Variants in SPATA6 observed in about 807,000 individuals in gnomAD.
The protein encoded by SPATA6 is spermatogenesis-associated protein 6.
SPATA6 carries 56 observed loss-of-function variants against 65.3 expected under a neutral mutation model. That is an observed-to-expected ratio of 0.86 (90% CI 0.69 to 1.07). The LOEUF (loss-of-function observed/expected upper bound fraction) is 1.07. Ranked by LOEUF, SPATA6 falls within the 50% of genes least tolerant of loss-of-function variation. The probability of loss-of-function intolerance (pLI) is 0.00; values close to 1 mark genes in which losing one functional copy is unlikely to be tolerated. For missense variants in SPATA6, 590 were observed against 594.8 expected (o/e 0.99, Z 0.08); for synonymous variants, 199 against 213.2 (o/e 0.93, Z 0.58).
At chr1:48,381,553 C>A (rs1222079927) in intron 9 of SPATA6, among the ~76,000 whole-genome samples, 4 of 148,022 alleles carry the variant, frequency 2.7e-5, no homozygotes, top group Non-Finnish European at 5.9e-5. Flanking sequence ...ACCAGTAGCA[C>A]AAAATAGTTT....
At position 48,426,300 on chromosome 1, in the gene SPATA6, G is replaced by GGTTT. The variant is rs1481190553; in HGVS notation, c.239-13153_239-13150dup. ...AAAAGAGCAGTTGAAACTGGAAAGG[G>GGTTT]GTTTGTTCATTTCAATAGCAGGTAA... On this transcript the variant is annotated intron_variant, in intron 3 of 12. Coordinates refer to ENST00000371847, the MANE Select transcript of SPATA6 (RefSeq NM_019073.4). 2.6e-5 allele frequency among the ~76,000 whole-genome samples: 4 copies of GGTTT among 152,112 alleles called. No individual in the cohort carries two copies. The East Asian group carries it at 7.7e-4, about 29-fold the overall frequency.
chr1:48,319,939 T>C (rs1484258988), intron 11 of SPATA6, among the ~76,000 whole-genome samples: 1 of 152,090 alleles, frequency 6.6e-6, no homozygotes, highest in African/African-American at 2.4e-5. Flanking sequence ...ACTGTGCAAC[T>C]TCCCACTTCC....
At chr1:48,395,495 T>C (rs550019307) in intron 7 of SPATA6, 141 bp from the exon 8 acceptor site, 58 of 437,052 alleles carry the variant, frequency 1.3e-4, no homozygotes, top group Non-Finnish European at 2.1e-4. Context: ...GTCAGACATG[T>C]TCCAAAGAGT....
intron 3 of SPATA6, among the ~76,000 whole-genome samples, chr1:48,413,458 T>C (rs1048422765): frequency 7.6e-5 from 10 of 131,544 alleles, no homozygotes; most frequent in Non-Finnish European, 1.6e-4. Context: ...CCCGGATACT[T>C]TTTTTTTTTT....
rs1405689544 is a variant in SPATA6, at chr1:48,305,775, T to C, written c.1286+12A>G. ...GAACTATGAGAAGGATATACATATA[T>C]TTCATTCATACCTATACTCGGGGTC... On this transcript the variant is annotated intron_variant, in intron 12 of 12. Transcript: ENST00000371847. 2.5e-6 allele frequency: 4 copies of C among 1,590,750 alleles called. No individual in the cohort carries two copies. Among genetic ancestry groups the C allele is most frequent in the Non-Finnish European group, 3.4e-6 (4 of 1,164,538 alleles).
rs937080007 is a variant in SPATA6, at chr1:48,313,984, G to A, written c.1195-8106C>T. Among the ~76,000 whole-genome samples, 23 of 152,186 alleles carry A rather than the reference G, an allele frequency of 1.5e-4. 1 individual carries two copies. Among genetic ancestry groups the A allele is most frequent in the African/African-American group, 5.1e-4 (21 of 41,452 alleles). On this transcript the variant is annotated intron_variant, in intron 11 of 12. Transcript: ENST00000371847. ...GGTAAAGGGATCAATTCAACAAGAA[G>A]AGCTAACTATCCTAAATACATATGC...
chr1:48,372,855 T>TA (rs1443456202), intron 9 of SPATA6, among the ~76,000 whole-genome samples: 2 of 152,162 alleles, frequency 1.3e-5, no homozygotes, highest in Non-Finnish European at 2.9e-5. Context: ...GCCCAACCTG[T>TA]AAATTGGCCC....
intron 11 of SPATA6, among the ~76,000 whole-genome samples, chr1:48,338,696 G>A (rs1646126473): frequency 6.6e-6 from 1 of 151,944 alleles, no homozygotes; most frequent in Admixed American, 6.6e-5. Context: ...AACAGGAAAG[G>A]CCTCAAATAT....
the SPATA6 span, among the ~76,000 whole-genome samples, chr1:48,286,645 T>A: frequency 6.6e-6 from 1 of 152,180 alleles, no homozygotes; most frequent in African/African-American, 2.4e-5. Flanking sequence ...CTTTTTAAAA[T>A]TTTGACTGAT....
At chr1:48,440,715 A>G (rs1410993455) in intron 3 of SPATA6, among the ~76,000 whole-genome samples, 1 of 152,164 alleles carries the variant, frequency 6.6e-6, no homozygotes, top group African/African-American at 2.4e-5. Context: ...AAAAAAATAT[A>G]CTGCCCTGTC....
intron 3 of SPATA6, among the ~76,000 whole-genome samples, chr1:48,430,643 A>T (rs529003579): frequency 3.3e-5 from 5 of 152,334 alleles, no homozygotes; most frequent in African/African-American, 1.2e-4. Flanking sequence ...ATTTTCAAAT[A>T]CTAGTATATT....
At chr1:48,325,158 T>C (rs918974266) in intron 11 of SPATA6, 5 of 604,058 alleles carry the variant, frequency 8.3e-6, no homozygotes, top group African/African-American at 7.4e-5. Flanking sequence ...TCATTTACAG[T>C]TTCAGGGTTA....
At chr1:48,270,711 G>C in the SPATA6 span, among the ~76,000 whole-genome samples, 1 of 150,842 alleles carries the variant, frequency 6.6e-6, no homozygotes, top group Non-Finnish European at 1.5e-5. Flanking sequence ...AATATACTAA[G>C]GTCAGAAGAA....
chr1:48,449,700 G>T (rs1353029547), intron 3 of SPATA6, among the ~76,000 whole-genome samples: 1 of 152,182 alleles, frequency 6.6e-6, no homozygotes, highest in Non-Finnish European at 1.5e-5. Context: ...ATTGCAAAAA[G>T]ACACTTTGAG....
intron 11 of SPATA6, among the ~76,000 whole-genome samples, chr1:48,342,477 G>A (rs1283837654): frequency 3.9e-5 from 6 of 151,944 alleles, no homozygotes; most frequent in African/African-American, 7.3e-5. Flanking sequence ...TTAGTCGGAC[G>A]TGGTGGCCCG....
chr1:48,282,630 G>A, the SPATA6 span, among the ~76,000 whole-genome samples: 2 of 152,200 alleles, frequency 1.3e-5, no homozygotes, highest in Admixed American at 6.5e-5. Flanking sequence ...CAAAACCACA[G>A]TGAGATACCA....
chr1:48,392,882 G>A (rs1650210901), intron 8 of SPATA6, among the ~76,000 whole-genome samples: 2 of 151,780 alleles, frequency 1.3e-5, no homozygotes, highest in Admixed American at 1.3e-4. Flanking sequence ...CCAGAAGTTG[G>A]TAAGTACTGC....
intron 11 of SPATA6, among the ~76,000 whole-genome samples, chr1:48,322,724 AAAAC>A (rs1297107888): frequency 4.6e-5 from 7 of 152,234 alleles, no homozygotes; most frequent in Non-Finnish European, 8.8e-5. Flanking sequence ...AATTTACAAG[AAAAC>A]AAACAAACAA....
intron 1 of SPATA6, among the ~76,000 whole-genome samples, chr1:48,454,687 T>C (rs1278304088): frequency 6.6e-6 from 1 of 152,188 alleles, no homozygotes; most frequent in Admixed American, 6.5e-5. Context: ...ATACAGACTT[T>C]CAGTATTAAG....
Sources: gnomAD v4.1 joint callset for allele counts (sites outside exome capture counted in the v4.1 genomes callset) on GRCh38, gnomAD v4.1.1 for gene constraint, MANE v1.5 for transcripts, NCBI Gene and HGNC (gene_info 2026-07-23, HGNC 2026-07-21) for gene names.